Variants in CACNA1B observed in about 807,000 individuals in gnomAD.
CACNA1B encodes voltage-dependent N-type calcium channel subunit alpha-1B.
In CACNA1B, 70 loss-of-function variants were observed where a neutral mutation model predicts 247.2. The ratio of observed to expected loss-of-function variants is 0.28; its 90% CI spans 0.23 to 0.35. The LOEUF (loss-of-function observed/expected upper bound fraction) is 0.35, where lower values mean the gene tolerates loss of function less well. Among genes scored for constraint, CACNA1B ranks in the 10% least tolerant of loss-of-function variants. CACNA1B has a pLI of 1.00. For missense variants in CACNA1B, 2,367 were observed against 3,197.4 expected (o/e 0.74, Z 6.26); for synonymous variants, 1,231 against 1,294.4 (o/e 0.95, Z 1.05).
Position 137,957,704 on chromosome 9 carries a change from C to A in CACNA1B, c.1333+17C>A, listed in dbSNP as rs1483262197. 6.5e-7 allele frequency: 1 copy of A among 1,537,842 alleles called. No individual in the cohort carries two copies. Among genetic ancestry groups the A allele is most frequent in the South Asian group, 1.2e-5 (1 of 82,618 alleles). ...GTGCTGTTGGTGAGTCTCAGGGTGTCCCTCCAGCTCTGCCAGGCTTGAGCT... is the reference window on the plus strand; with the variant it reads ...GTGCTGTTGGTGAGTCTCAGGGTGTACCTCCAGCTCTGCCAGGCTTGAGCT... On this transcript the variant is annotated intron_variant, in intron 10 of 46. Transcript: ENST00000371372. The surrounding 1 kb of genome is among the most constrained non-coding windows in gnomAD (Gnocchi z 4.7).
chr9:137,883,226 G>GGGCT, intron 3 of CACNA1B, among the ~76,000 whole-genome samples: 1 of 151,462 alleles, frequency 6.6e-6, no homozygotes, highest in East Asian at 2.0e-4. Context: ...CCCAGGTGAG[G>GGGCT]GGCTTCCTAG....
In CACNA1B at chr9:137,891,770, C is replaced by T; in HGVS notation, c.530+8887C>T. On this transcript the variant is annotated intron_variant, in intron 3 of 46. Coordinates refer to ENST00000371372, the MANE Select transcript of CACNA1B (RefSeq NM_000718.4). The surrounding 1 kb of genome is among the most constrained non-coding windows in gnomAD (Gnocchi z 4.3). ...GCTGTAGAGTGGAGGGGCCTCCACC[C>T]TGCGTGCCTGTGTGCAGCCCCACAC... The T allele has an allele frequency of 3.0e-6, 1 of 336,438 alleles. No homozygotes were observed. Among genetic ancestry groups the T allele is most frequent in the Admixed American group, 4.1e-5 (1 of 24,302 alleles). The allele number at this position is 336,438 out of a possible 1,614,324, so 20.8% of individuals were successfully genotyped here.
Position 137,952,098 on chromosome 9 carries a change from G to A in CACNA1B, c.967-176G>A, listed in dbSNP as rs915037023. Among the ~76,000 whole-genome samples the A allele has an allele frequency of 6.6e-6, 1 of 152,260 alleles. No homozygotes were observed. The highest frequency in any genetic ancestry group is 2.1e-4 in the South Asian group (1 of 4,818). On this transcript the variant is annotated intron_variant, in intron 6 of 46. Coordinates refer to ENST00000371372, the MANE Select transcript of CACNA1B (RefSeq NM_000718.4). This position sits in a 1 kb window ranked among gnomAD's most constrained non-coding sequence, Gnocchi z 4.8. The stretch of plus-strand genomic sequence containing the variant: ...CCAGCAAGGGCACGTCTGCCTGTGG[G>A]TGCTGCCTGGACTCCAGCCCCATGC...
At chr9:137,979,359 C>T (rs1016075713) in intron 12 of CACNA1B, among the ~76,000 whole-genome samples, 11 of 152,164 alleles carry the variant, frequency 7.2e-5, no homozygotes, top group Non-Finnish European at 1.5e-4. Context: ...GTCATGTGGC[C>T]TCTCCACAGG....
At position 137,950,283 on chromosome 9, in the gene CACNA1B, G is replaced by A. The variant is rs113248502; in HGVS notation, c.967-1991G>A. 1.8e-3 allele frequency among the ~76,000 whole-genome samples: 277 copies of A among 152,312 alleles called. 2 individuals carry two copies. The highest frequency in any genetic ancestry group is 6.4e-3 in the African/African-American group (265 of 41,570). ...TTCTGCACACTGTGTGTGGGTGGGC[G>A]GCTTTGTGACTGCTGGATGGTGGTA... On this transcript the variant is annotated intron_variant, in intron 6 of 46. Coordinates refer to ENST00000371372, the MANE Select transcript of CACNA1B (RefSeq NM_000718.4). This position sits in a 1 kb window ranked among gnomAD's most constrained non-coding sequence, Gnocchi z 4.8.
intron 6 of CACNA1B, among the ~76,000 whole-genome samples, chr9:137,944,098 G>A (rs1025680021): frequency 6.6e-6 from 1 of 152,134 alleles, no homozygotes; most frequent in Non-Finnish European, 1.5e-5. Context: ...GGCATTCAGG[G>A]CATTGCCAGT....
At position 138,121,550 on chromosome 9, in the gene CACNA1B, C is replaced by T; in HGVS notation, c.6571C>T (p.Pro2191Ser). ...CGGCCGCGGTGGGCGGAGGCAGCTC[C>T]CCCAGACGCCCCTGACTCCCCGCCC... ...TPGRGGRRQL[P>S]QTPLTPRPSI... Residue 2191 changes from proline (P) to serine (S), a missense_variant, in exon 47 of 47, where the codon CCC becomes TCC. By Grantham distance (74) the Pro-to-Ser change is moderately conservative. Transcript: ENST00000371372. This position sits in a 1 kb window ranked among gnomAD's most constrained non-coding sequence, Gnocchi z 6.8. The T allele has an allele frequency of 6.2e-7, 1 of 1,600,404 alleles. No homozygotes were observed. The highest frequency in any genetic ancestry group is 8.5e-7 in the Non-Finnish European group (1 of 1,171,390).
chr9:137,919,984 A>G lies in CACNA1B; in HGVS notation c.966+2553A>G, dbSNP rs1229127366. On this transcript the variant is annotated intron_variant, in intron 6 of 46. Transcript: ENST00000371372. The surrounding 1 kb of genome is among the most constrained non-coding windows in gnomAD (Gnocchi z 4.6). ...GGCAGTAAATTCCTGTTAGGTCCAG[A>G]GAGGTGAGATCATCTCAGGACAGCA... 1.3e-5 allele frequency among the ~76,000 whole-genome samples: 2 copies of G among 152,250 alleles called. No homozygotes were observed. Among genetic ancestry groups the G allele is most frequent in the East Asian group, 3.9e-4 (2 of 5,174 alleles).
chr9:137,984,970 C>T (rs540675308), intron 13 of CACNA1B, among the ~76,000 whole-genome samples: 21 of 152,336 alleles, frequency 1.4e-4, no homozygotes, highest in African/African-American at 3.4e-4. Context: ...GCAGTCTCAT[C>T]GGCAGCAAAG....
rs540892022 is a variant in CACNA1B, at chr9:138,087,543, C to T, written c.5095-8941C>T. 2.0e-3 allele frequency among the ~76,000 whole-genome samples: 306 copies of T among 150,392 alleles called. 1 individual carries two copies. Among genetic ancestry groups the T allele is most frequent in the Non-Finnish European group, 3.7e-3 (249 of 67,598 alleles). On this transcript the variant is annotated intron_variant, in intron 36 of 46. Transcript: ENST00000371372. ...CATCCTGGCCAACATGGTGAAACCCCGTCTCTACTAAAAATACAAAAATTA... is the reference window on the plus strand; with the variant it reads ...CATCCTGGCCAACATGGTGAAACCCTGTCTCTACTAAAAATACAAAAATTA...
intron 20 of CACNA1B, among the ~76,000 whole-genome samples, chr9:138,027,485 G>C (rs1318479631): frequency 6.6e-6 from 1 of 151,736 alleles, no homozygotes; most frequent in African/African-American, 2.4e-5. Context: ...TTTTTTGTCT[G>C]ATTTCACTAT....
At chr9:137,878,954 C>G in intron 1 of CACNA1B, 100 bp from the exon 2 acceptor site, 1 of 713,882 alleles carries the variant, frequency 1.4e-6, no homozygotes, top group East Asian at 2.8e-5. Context: ...TCAGCCCCTC[C>G]GGAGACGGCC....
intron 20 of CACNA1B, 43 bp from the exon 21 acceptor site, chr9:138,043,731 A>T (rs3750506): frequency 4.0e-5 from 65 of 1,611,138 alleles, no homozygotes; most frequent in Non-Finnish European, 5.1e-5. Flanking sequence ...CGTGGGCTTC[A>T]TGTGCACTAC....
At chr9:138,013,782 G>A (rs1395938605) in intron 18 of CACNA1B, among the ~76,000 whole-genome samples, 2 of 152,248 alleles carry the variant, frequency 1.3e-5, no homozygotes, top group African/African-American at 4.8e-5. Context: ...TTTGGGCAAA[G>A]TGTCCAGCCC....
At chr9:138,064,489 C>T (rs1017494827) in intron 31 of CACNA1B, among the ~76,000 whole-genome samples, 3 of 152,230 alleles carry the variant, frequency 2.0e-5, no homozygotes, top group African/African-American at 7.2e-5. Context: ...CACTTACTTT[C>T]ATTCTTTTGA....
At chr9:138,116,405 A>G (rs895839590) in intron 42 of CACNA1B, among the ~76,000 whole-genome samples, 45 of 152,174 alleles carry the variant, frequency 3.0e-4, no homozygotes, top group Admixed American at 8.5e-4. Flanking sequence ...TGGCCCAGAA[A>G]AGTGTGCTCC....
rs41277873 is a variant in CACNA1B at position 138,043,825 on chromosome 9, C to T, written c.3338C>T (p.Ala1113Val). 214 of 1,613,944 alleles carry T rather than the reference C, an allele frequency of 1.3e-4. No individual in the cohort carries two copies. The highest frequency in any genetic ancestry group is 1.5e-4 in the Admixed American group (9 of 60,030). The change falls in exon 21 of 47, where the codon GCG becomes GTG. Residue 1113 changes from alanine to valine, a missense_variant. This residue lies in a region of CACNA1B where 631 missense variants were observed against 631.1 expected (regional missense o/e 1.00). Coordinates refer to ENST00000371372, the MANE Select transcript of CACNA1B (RefSeq NM_000718.4). ...GCAGAGGGGAAGAAGGAGGTGGAAG[C>T]GGATGACGTGATGAGGAGCGGCCCC... ...SQAEGKKEVEADDVMRSGPRP... is the reference protein window; with the variant it reads ...SQAEGKKEVEVDDVMRSGPRP...
intron 15 of CACNA1B, among the ~76,000 whole-genome samples, chr9:137,993,715 G>A (rs1476601072): frequency 1.3e-5 from 2 of 152,012 alleles, no homozygotes; most frequent in African/African-American, 2.4e-5. Context: ...AAAAAATTAC[G>A]AACAAAATAA....
chr9:138,056,000 C>T (rs774515253), intron 26 of CACNA1B, among the ~76,000 whole-genome samples: 2 of 151,384 alleles, frequency 1.3e-5, no homozygotes, highest in African/African-American at 4.8e-5. Flanking sequence ...CACTCCAGCC[C>T]GGGCGACAGT....
Sources: allele counts gnomAD v4.1 joint callset (sites outside exome capture counted in the v4.1 genomes callset), GRCh38; gene constraint gnomAD v4.1.1; regional missense constraint gnomAD v4.1.1; non-coding constraint Gnocchi (gnomAD v3.1); transcripts MANE v1.5; gene names NCBI Gene and HGNC (gene_info 2026-07-23, HGNC 2026-07-21).